The following INPP5F variants were observed in gnomAD, a reference collection of about 807,000 sequenced individuals.
INPP5F encodes the protein inositol polyphosphate-5-phosphatase F, also known as phosphatidylinositide 4-phosphatase SAC2.
Under a neutral mutation model 137.2 loss-of-function variants are expected in INPP5F, and 97 were observed. The ratio of observed to expected loss-of-function variants is 0.71; its 90% CI spans 0.60 to 0.84. INPP5F has a LOEUF of 0.84. Ranked by LOEUF, INPP5F falls within the 40% of genes least tolerant of loss-of-function variation. INPP5F has a pLI of 0.00. For synonymous variants in INPP5F, 504 were observed against 476.9 expected (o/e 1.06, Z -0.74); for missense variants, 1,271 against 1,371.9 (o/e 0.93, Z 1.16).
intron 1 of INPP5F, among the ~76,000 whole-genome samples, chr10:119,750,796 C>T (rs1848669652): frequency 6.6e-6 from 1 of 152,150 alleles, no homozygotes; most frequent in African/African-American, 2.4e-5. Context: ...GGCCCTGTTC[C>T]TCCACTGTAG....
intron 15 of INPP5F, chr10:119,819,519 GCAA>G (rs1851462880): frequency 3.1e-6 from 5 of 1,604,582 alleles, no homozygotes; most frequent in Non-Finnish European, 4.3e-6. Context: ...CTTGGCTCAA[GCAA>G]CAATTTTCAG....
At chr10:119,824,352 C>A (rs1851681521) in intron 19 of INPP5F, among the ~76,000 whole-genome samples, 1 of 152,174 alleles carries the variant, frequency 6.6e-6, no homozygotes, top group African/African-American at 2.4e-5. Flanking sequence ...TCAATCTTGT[C>A]TTTTCTTTCA....
chr10:119,751,395 AT>A (rs1848686634), intron 2 of INPP5F, among the ~76,000 whole-genome samples: 1 of 152,226 alleles, frequency 6.6e-6, no homozygotes, highest in Non-Finnish European at 1.5e-5. Flanking sequence ...ATTATTTGGA[AT>A]TGTGGAAGGT....
At chr10:119,753,721 T>C (rs1848753591) in intron 2 of INPP5F, among the ~76,000 whole-genome samples, 3 of 152,230 alleles carry the variant, frequency 2.0e-5, no homozygotes, top group South Asian at 4.1e-4. Context: ...GGTCTCTTCA[T>C]TTCCATAGGG....
chr10:119,795,958 A>G (rs1009819700), intron 6 of INPP5F, among the ~76,000 whole-genome samples: 7 of 152,020 alleles, frequency 4.6e-5, no homozygotes, highest in South Asian at 2.1e-4. Flanking sequence ...CGCGCCTGCA[A>G]TCGCAGGCAC....
chr10:119,746,956 T>G (rs2134118439), intron 1 of INPP5F, among the ~76,000 whole-genome samples: 1 of 152,156 alleles, frequency 6.6e-6, no homozygotes, highest in Non-Finnish European at 1.5e-5. Context: ...GTTCAGCTAA[T>G]TTTTGTATTT....
intron 2 of INPP5F, among the ~76,000 whole-genome samples, chr10:119,767,299 T>C (rs1849203571): frequency 1.3e-5 from 2 of 152,074 alleles, no homozygotes; most frequent in South Asian, 2.1e-4. Flanking sequence ...ACAATAGTAG[T>C]AACAATGGGG....
intron 15 of INPP5F, chr10:119,819,683 C>A (rs1194511912): frequency 6.4e-6 from 3 of 470,218 alleles, no homozygotes; most frequent in African/African-American, 2.0e-5. Context: ...TGTGTGTTCC[C>A]GGTCTTGGCA....
At chr10:119,790,009 G>C (rs1850080549) in intron 3 of INPP5F, among the ~76,000 whole-genome samples, 3 of 139,884 alleles carry the variant, frequency 2.1e-5, no homozygotes, top group Non-Finnish European at 3.0e-5. Flanking sequence ...GCATGCTTCA[G>C]ACAGCAGCTT....
intron 15 of INPP5F, chr10:119,819,784 C>T (rs1851476966): frequency 2.9e-6 from 1 of 339,840 alleles, no homozygotes; most frequent in South Asian, 1.3e-4. Flanking sequence ...CTGTTGGACT[C>T]AAGCTACAAC....
chr10:119,795,374 A>G lies in INPP5F; in HGVS notation c.670-1341A>G, dbSNP rs1471155273. Among the ~76,000 whole-genome samples, 45 of 137,128 alleles carry G rather than the reference A, an allele frequency of 3.3e-4. No individual in the cohort carries two copies. The South Asian group carries it at 4.4e-3, about 13-fold the overall frequency. 90.0% of individuals were successfully genotyped at this position (137,128 alleles called of 152,430 possible). On this transcript the variant is annotated intron_variant, in intron 6 of 19. Transcript: ENST00000650623. ...TCACTTCTCAGACGGGGCGGCTGCC[A>G]GGCGGAGGGGCTCCTCACTTCTCAG...
At position 119,740,482 on chromosome 10, in the gene INPP5F, A is replaced by G. The variant is rs536504751; in HGVS notation, c.98-10594A>G. Among the ~76,000 whole-genome samples the G allele has an allele frequency of 3.3e-5, 5 of 152,350 alleles. 1 individual carries two copies. The highest frequency in any genetic ancestry group is 1.2e-4 in the African/African-American group (5 of 41,590). On this transcript the variant is annotated intron_variant, in intron 1 of 19. Coordinates refer to ENST00000650623, the MANE Select transcript of INPP5F (RefSeq NM_014937.4). The stretch of plus-strand genomic sequence containing the variant: ...TACTCTGAGAAGGCTTTCAGGAATT[A>G]TGGTCCTACCATGAGGTTTAATAAT...
Position 119,798,627 on chromosome 10 carries a change from A to T in INPP5F, c.1116+17A>T, listed in dbSNP as rs761566195. 6.4e-7 allele frequency: 1 copy of T among 1,568,666 alleles called. No homozygotes were observed. Among genetic ancestry groups the T allele is most frequent in the African/African-American group, 1.4e-5 (1 of 74,054 alleles). ...AAAAAACAGGTGGGCTTTGATTTAC[A>T]GTAGTAAAATGTTCCTTCATCTTTA... On this transcript the variant is annotated intron_variant, in intron 9 of 19. Coordinates refer to ENST00000650623, the MANE Select transcript of INPP5F (RefSeq NM_014937.4).
intron 1 of INPP5F, among the ~76,000 whole-genome samples, chr10:119,729,215 G>A (rs35661191): frequency 0.035 from 5,269 of 152,110 alleles, 128 homozygotes; most frequent in Non-Finnish European, 0.048. Context: ...GCGTGTTCTC[G>A]GCTCACTGCA....
chr10:119,816,249 C>G (rs1203045809), intron 15 of INPP5F: 2 of 152,310 alleles, frequency 1.3e-5, no homozygotes, highest in African/African-American at 4.8e-5. Context: ...GAATGGTTTT[C>G]AAGTGTTTTC....
intron 3 of INPP5F, among the ~76,000 whole-genome samples, chr10:119,785,320 C>T (rs1229308355): frequency 8.5e-6 from 1 of 117,086 alleles, no homozygotes; most frequent in Non-Finnish European, 1.7e-5. Context: ...GAGCCTCGCT[C>T]TGTCGCCCAG....
At chr10:119,822,179 C>T (rs532793650) in intron 16 of INPP5F, among the ~76,000 whole-genome samples, 6 of 152,208 alleles carry the variant, frequency 3.9e-5, no homozygotes, top group African/African-American at 1.4e-4. Context: ...TGAGCCACCA[C>T]GCCTGGCCGT....
chr10:119,811,782 A>T lies in INPP5F; in HGVS notation c.1713A>T (p.Thr571=). 6.2e-7 allele frequency: 1 copy of T among 1,614,040 alleles called. No homozygotes were observed. ...VIDLMQGIPV[T]EDLYSIFTKE... is the part of the protein sequence containing the mutation. ...ATTTGATGCAAGGCATTCCAGTGAC[A>T]GAAGATCTTTATTCCATATTTACCA... is the stretch of plus-strand genomic sequence containing the variant. The change falls in exon 15 of 20, where the codon ACA becomes ACT. Residue 571 remains threonine, a synonymous_variant. Coordinates refer to ENST00000650623, the MANE Select transcript of INPP5F (RefSeq NM_014937.4).
chr10:119,774,338 A>G (rs530991984), intron 2 of INPP5F, among the ~76,000 whole-genome samples: 2 of 151,406 alleles, frequency 1.3e-5, no homozygotes, highest in East Asian at 3.9e-4. Flanking sequence ...TTTCTATATT[A>G]ATTTGAGAGA....
Sources: gnomAD v4.1 joint callset for allele counts (sites outside exome capture counted in the v4.1 genomes callset) on GRCh38, gnomAD v4.1.1 for gene constraint, MANE v1.5 for transcripts, NCBI Gene and HGNC (gene_info 2026-07-23, HGNC 2026-07-21) for gene names.